ZNF185: variants seen among roughly 807,000 people sequenced by gnomAD.
ZNF185 encodes zinc finger protein 185 with LIM domain, also known as zinc finger protein 185.
Under a neutral mutation model 58.6 loss-of-function variants are expected in ZNF185, and 56 were observed. The ratio of observed to expected loss-of-function variants is 0.95; its 90% CI spans 0.77 to 1.19. The LOEUF (loss-of-function observed/expected upper bound fraction) is 1.19, where lower values mean the gene tolerates loss of function less well. ZNF185 is among the 50% of genes most tolerant of loss of function. The pLI, the probability that ZNF185 is intolerant of heterozygous loss-of-function variation, is 0.00. For synonymous variants in ZNF185, 230 were observed against 215.9 expected (o/e 1.07, Z -0.57); for missense variants, 627 against 573.5 (o/e 1.09, Z -0.95).
chrX:152,959,152 C>G (rs188226862), intron 16 of ZNF185, among the ~76,000 whole-genome samples: 192 of 112,629 alleles, frequency 1.7e-3, no homozygotes, highest in African/African-American at 5.8e-3. Context: ...GGCCCTTCCC[C>G]CCTTTGTGGG....
chrX:152,905,138 G>A, the ZNF185 span, among the ~76,000 whole-genome samples: 1 of 113,018 alleles, frequency 8.8e-6, no homozygotes, highest in Non-Finnish European at 1.9e-5. Context: ...TGACGGCACC[G>A]CTGTGCCCGT....
chrX:152,960,218 G>A (rs1351425501), intron 17 of ZNF185, among the ~76,000 whole-genome samples: 4 of 112,076 alleles, frequency 3.6e-5, no homozygotes, highest in African/African-American at 9.7e-5. Context: ...TGTTAATGGA[G>A]ATGGAAACTC....
At chrX:152,904,269 G>T in the ZNF185 span, among the ~76,000 whole-genome samples, 73 of 112,090 alleles carry the variant, frequency 6.5e-4, no homozygotes, top group African/African-American at 2.4e-3. Context: ...GGCTCAGACG[G>T]GATCCAGCTG....
chrX:152,946,738 AT>A (rs2047824757), intron 16 of ZNF185, among the ~76,000 whole-genome samples: 1 of 112,032 alleles, frequency 8.9e-6, no homozygotes, highest in South Asian at 3.7e-4. Context: ...TTGGGAAGGC[AT>A]TCCGAGTGGA....
At chrX:152,922,968 G>T (rs1339857017) in intron 11 of ZNF185, among the ~76,000 whole-genome samples, 159 bp downstream of exon 12, 1 of 112,200 alleles carries the variant, frequency 8.9e-6, no homozygotes, top group Non-Finnish European at 1.9e-5. Context: ...GCCGTGATTT[G>T]TCTTGATTTC....
At chrX:152,905,514 A>G in the ZNF185 span, among the ~76,000 whole-genome samples, 2 of 111,712 alleles carry the variant, frequency 1.8e-5, no homozygotes, top group Admixed American at 9.4e-5. Flanking sequence ...GAAAGACAGC[A>G]AAAGAGGACC....
the ZNF185 span, among the ~76,000 whole-genome samples, chrX:152,900,543 G>A: frequency 2.6e-5 from 3 of 113,251 alleles, no homozygotes; most frequent in Non-Finnish European, 5.6e-5. Flanking sequence ...ACCCCTTGCA[G>A]TCCGGGCCTT....
intron 15 of ZNF185, among the ~76,000 whole-genome samples, chrX:152,938,890 CTCAGG>C (rs1556885675): frequency 3.5e-5 from 3 of 86,715 alleles, no homozygotes; most frequent in African/African-American, 5.4e-5. Flanking sequence ...GAAAAGGCAA[CTCAGG>C]CGATCTCCTC....
chrX:152,959,741 C>G, exon 17 of ZNF185: 1 of 1,211,694 alleles, frequency 8.3e-7, no homozygotes, highest in South Asian at 1.8e-5. Flanking sequence ...CCACCAAGGT[C>G]GGAGAGGCCT....
intron 16 of ZNF185, among the ~76,000 whole-genome samples, chrX:152,946,884 T>A (rs2125779017): frequency 9.0e-6 from 1 of 111,400 alleles, no homozygotes; most frequent in African/African-American, 3.3e-5. Context: ...GTGACCCACA[T>A]CCTGAGGGCC....
intron 16 of ZNF185, among the ~76,000 whole-genome samples, chrX:152,954,923 C>T (rs995398333): frequency 1.8e-5 from 2 of 110,734 alleles, no homozygotes; most frequent in Admixed American, 9.6e-5. Flanking sequence ...ACAGAGACTC[C>T]AGTGCAGCTA....
chrX:152,931,232 T>C (rs1941913728), intron 12 of ZNF185, among the ~76,000 whole-genome samples: 1 of 111,816 alleles, frequency 8.9e-6, no homozygotes, highest in South Asian at 3.7e-4. Flanking sequence ...AGTAATGAAG[T>C]TTTGATAATT....
the ZNF185 span, among the ~76,000 whole-genome samples, chrX:152,908,337 C>T: frequency 1.8e-5 from 2 of 112,881 alleles, no homozygotes; most frequent in Non-Finnish European, 3.7e-5. Flanking sequence ...AAGGAAGGAA[C>T]ATTTGCTCTC....
At chrX:152,950,735 T>C (rs1556899300) in intron 16 of ZNF185, among the ~76,000 whole-genome samples, 1 of 112,060 alleles carries the variant, frequency 8.9e-6, no homozygotes, top group African/African-American at 3.2e-5. Flanking sequence ...GTATAAAATA[T>C]ATTTAAGTTT....
intron 17 of ZNF185, among the ~76,000 whole-genome samples, chrX:152,960,518 G>T (rs1191138590): frequency 8.9e-6 from 1 of 112,280 alleles, no homozygotes; most frequent in Non-Finnish European, 1.9e-5. Context: ...GAGCAGCTCA[G>T]GTCTCCCAAA....
At chrX:152,953,037 G>T (rs1556901428) in intron 16 of ZNF185, among the ~76,000 whole-genome samples, 1 of 110,270 alleles carries the variant, frequency 9.1e-6, no homozygotes, top group Non-Finnish European at 1.9e-5. Flanking sequence ...GCACACAGTC[G>T]TCATCTGGGA....
chrX:152,922,352 C>A, intron 10 of ZNF185, 96 bp downstream of exon 11: 3 of 855,370 alleles, frequency 3.5e-6, no homozygotes, highest in Non-Finnish European at 1.7e-6. Context: ...CCATGCTGGG[C>A]TTCGAGATCA....
intron 17 of ZNF185, among the ~76,000 whole-genome samples, chrX:152,963,173 C>A (rs1603311656): frequency 8.9e-6 from 1 of 112,878 alleles, no homozygotes; most frequent in African/African-American, 3.2e-5. Flanking sequence ...TAATGAGGCT[C>A]ATAGCCTGGG....
chrX:152,947,519 C>T (rs554868321), intron 16 of ZNF185, among the ~76,000 whole-genome samples: 4 of 112,139 alleles, frequency 3.6e-5, no homozygotes, highest in Non-Finnish European at 5.6e-5. Flanking sequence ...GGGGCAGGCC[C>T]GCTGAGAGAT....
Sources: allele counts gnomAD v4.1 joint callset (sites outside exome capture counted in the v4.1 genomes callset), GRCh38; gene constraint gnomAD v4.1.1; transcripts MANE v1.5; gene names NCBI Gene and HGNC (gene_info 2026-07-23, HGNC 2026-07-21).